Variants in TMOD2 observed in about 807,000 individuals in gnomAD.
TMOD2 encodes the protein tropomodulin 2, also known as tropomodulin-2.
A neutral mutation model predicts 39.9 loss-of-function variants in TMOD2; 22 were observed. That is an observed-to-expected ratio of 0.55 (90% confidence interval 0.39 to 0.79). The LOEUF (loss-of-function observed/expected upper bound fraction) is 0.79. Ranked by LOEUF, TMOD2 falls within the 30% of genes least tolerant of loss-of-function variation. The pLI is 0.00. For synonymous variants in TMOD2, 123 were observed against 146.1 expected, an observed-to-expected ratio of 0.84 and a Z score of 1.14; for missense variants, 386 against 413.3, an observed-to-expected ratio of 0.93 and a Z score of 0.57.
At chr15:51,763,308 G>T (rs2055794446) in intron 1 of TMOD2, among the ~76,000 whole-genome samples, 1 of 152,172 alleles carries the variant, frequency 6.6e-6, no homozygotes, top group African/African-American at 2.4e-5. Flanking sequence ...AAATAAATGT[G>T]CTATGAATAT....
chr15:51,798,970 G>A (rs3794535), intron 8 of TMOD2, among the ~76,000 whole-genome samples: 72,599 of 151,934 alleles, frequency 0.48, 17,625 homozygotes, highest in Admixed American at 0.54. Context: ...TCAGGTTCCC[G>A]TCTGCAGCCA....
At chr15:51,804,553 ACGTTT>A (rs1268594486) in intron 8 of TMOD2, among the ~76,000 whole-genome samples, 254 of 151,012 alleles carry the variant, frequency 1.7e-3, no homozygotes, top group African/African-American at 5.9e-3. Context: ...ACAAGCCTGT[ACGTTT>A]TGTTTTGTTT....
intron 7 of TMOD2, among the ~76,000 whole-genome samples, chr15:51,790,227 C>A (rs2141633154): frequency 6.6e-6 from 1 of 152,308 alleles, no homozygotes; most frequent in East Asian, 1.9e-4. Context: ...ATTATAAACA[C>A]CTCTACGCAA....
intron 7 of TMOD2, chr15:51,784,275 CTGT>C (rs2055953696): frequency 6.6e-6 from 1 of 152,224 alleles, no homozygotes; most frequent in African/African-American, 2.4e-5. Context: ...GGGCATCAGC[CTGT>C]TGTTCTATGG....
chr15:51,767,746 T>G (rs2055825593), intron 2 of TMOD2, among the ~76,000 whole-genome samples: 1 of 152,244 alleles, frequency 6.6e-6, no homozygotes, highest in Non-Finnish European at 1.5e-5. Context: ...TTGGATATGG[T>G]ATTTACTTTT....
chr15:51,752,279 T>C (rs941372349), intron 1 of TMOD2, among the ~76,000 whole-genome samples: 1 of 152,168 alleles, frequency 6.6e-6, no homozygotes, highest in African/African-American at 2.4e-5. Context: ...TTATTACTTT[T>C]CTGGTTAAAG....
intron 1 of TMOD2, among the ~76,000 whole-genome samples, chr15:51,760,477 C>T (rs2055772960): frequency 6.6e-6 from 1 of 152,218 alleles, no homozygotes; most frequent in Admixed American, 6.5e-5. Context: ...CATTGGCACA[C>T]CCAGATCATC....
chr15:51,804,792 C>T (rs2056111483), intron 8 of TMOD2, among the ~76,000 whole-genome samples: 1 of 152,000 alleles, frequency 6.6e-6, no homozygotes, highest in African/African-American at 2.4e-5. Flanking sequence ...AGGCTGGTTT[C>T]GAACACCTGA....
chr15:51,808,702 G>C lies in TMOD2; in HGVS notation c.*248G>C. On this transcript the variant is annotated 3_prime_UTR_variant, in exon 10 of 10. Transcript: ENST00000249700. ...AATGGACCGATGCAGATTTTAGAGA[G>C]TGACGACATGGAAAATGAATTTAAC... 1 of 357,414 alleles carries C rather than the reference G, an allele frequency of 2.8e-6. No individual in the cohort carries two copies. Among genetic ancestry groups the C allele is most frequent in the Non-Finnish European group, 5.0e-6 (1 of 198,204 alleles). 22.1% of individuals were successfully genotyped at this position (357,414 alleles called of 1,614,324 possible).
intron 2 of TMOD2, 71 bp from the exon 3 acceptor site, chr15:51,768,191 G>C: frequency 6.4e-7 from 1 of 1,556,958 alleles, no homozygotes; most frequent in Non-Finnish European, 8.8e-7. Flanking sequence ...AGTGAGTGGG[G>C]GTGGAAGAGG....
rs1470025667 is a variant in TMOD2 at position 51,809,590 on chromosome 15, T to C, written c.*1136T>C. On this transcript the variant is annotated 3_prime_UTR_variant, in exon 10 of 10. Coordinates refer to ENST00000249700, the MANE Select transcript of TMOD2 (RefSeq NM_014548.4). ...ATGCATTAATCTTTCAATGTAGTGG[T>C]GTAAAAATGCAGTGCTAAACTAATG... 1 of 152,190 alleles carries C rather than the reference T, an allele frequency of 6.6e-6. No homozygotes were observed. The highest frequency in any genetic ancestry group is 1.5e-5 in the Non-Finnish European group (1 of 68,036). 9.4% of individuals were successfully genotyped at this position (152,190 alleles called of 1,614,324 possible). A position where few individuals can be genotyped will look rare whatever the true frequency, so the allele number is the denominator to read the frequency against.
chr15:51,802,139 C>CT (rs2056094575), intron 8 of TMOD2, among the ~76,000 whole-genome samples: 1 of 151,774 alleles, frequency 6.6e-6, no homozygotes, highest in South Asian at 2.1e-4. Flanking sequence ...AATTCCTCCC[C>CT]TTTTTTATAT....
At chr15:51,802,823 C>T (rs2056098576) in intron 8 of TMOD2, among the ~76,000 whole-genome samples, 1 of 152,166 alleles carries the variant, frequency 6.6e-6, no homozygotes. Context: ...TTATTATTGT[C>T]TAACTGGAAA....
chr15:51,787,340 C>T (rs747216128), intron 7 of TMOD2, among the ~76,000 whole-genome samples: 3 of 152,216 alleles, frequency 2.0e-5, no homozygotes, highest in Non-Finnish European at 2.9e-5. Flanking sequence ...GTAAACAAAG[C>T]GGCATGGAAG....
intron 7 of TMOD2, chr15:51,784,536 C>G (rs2055955438): frequency 6.6e-6 from 1 of 152,160 alleles, no homozygotes; most frequent in African/African-American, 2.4e-5. Flanking sequence ...TCACAGCAAA[C>G]TTGAAATAAG....
intron 8 of TMOD2, among the ~76,000 whole-genome samples, chr15:51,805,164 T>A (rs1379676287): frequency 6.6e-6 from 1 of 151,676 alleles, no homozygotes; most frequent in Non-Finnish European, 1.5e-5. Context: ...TTCACCATGT[T>A]GCCCGGGCTG....
At chr15:51,767,581 G>C (rs927731893) in intron 2 of TMOD2, among the ~76,000 whole-genome samples, 6 of 151,614 alleles carry the variant, frequency 4.0e-5, no homozygotes, top group Non-Finnish European at 7.4e-5. Flanking sequence ...TATAAAAAAA[G>C]ATATGCTGGA....
At position 51,766,448 on chromosome 15, in the gene TMOD2, C is replaced by A; in HGVS notation, c.7C>A (p.Leu3Ile). The A allele has an allele frequency of 6.2e-7, 1 of 1,613,918 alleles. No homozygotes were observed. The highest frequency in any genetic ancestry group is 8.5e-7 in the Non-Finnish European group (1 of 1,179,906). Residue 3 changes from leucine (L) to isoleucine (I), a missense_variant, in exon 2 of 10, where the codon CTC becomes ATC. Coordinates refer to ENST00000249700, the MANE Select transcript of TMOD2 (RefSeq NM_014548.4). ...GAAAGGCTTATAAGAAGCCATGGCA[C>A]TCCCCTTTCAAAAAGAGCTGGAGAA... MA[L>I]PFQKELEKYK...
rs149536961 is a variant in TMOD2 at position 51,760,670 on chromosome 15, G to A, written c.-69-5703G>A. 7.9e-3 allele frequency among the ~76,000 whole-genome samples: 1,206 copies of A among 152,170 alleles called. 19 individuals carry two copies. Among genetic ancestry groups the A allele is most frequent in the African/African-American group, 0.028 (1,148 of 41,514 alleles). ...AAATACAAAAAATTAGCTGGGTATG[G>A]TGGTGCATGCCTGTAATCGCAGCTA... On this transcript the variant is annotated intron_variant, in intron 1 of 9. Transcript: ENST00000249700.
Sources: allele counts gnomAD v4.1 joint callset (sites outside exome capture counted in the v4.1 genomes callset), GRCh38; gene constraint gnomAD v4.1.1; transcripts MANE v1.5; gene names NCBI Gene and HGNC (gene_info 2026-07-23, HGNC 2026-07-21).